GLYATL2: variants seen among roughly 807,000 people sequenced by gnomAD.
GLYATL2 encodes glycine-N-acyltransferase like 2.
In GLYATL2, 25 loss-of-function variants were observed where a neutral mutation model predicts 21.4. The ratio of observed to expected loss-of-function variants is 1.17; its 90% CI spans 0.85 to 1.63. The LOEUF (loss-of-function observed/expected upper bound fraction) is 1.63. Ranked by LOEUF, GLYATL2 falls within the 40% of genes most tolerant of loss-of-function variation. The pLI, the probability that GLYATL2 is intolerant of heterozygous loss-of-function variation, is 0.00. For missense variants in GLYATL2, 361 were observed against 343.3 expected, an observed-to-expected ratio of 1.05 and a Z score of -0.41; for synonymous variants, 114 against 118.2, an observed-to-expected ratio of 0.96 and a Z score of 0.23.
chr11:58,900,271 G>C (rs769601510), intron 1 of GLYATL2, among the ~76,000 whole-genome samples: 3 of 152,196 alleles, frequency 2.0e-5, no homozygotes, highest in Non-Finnish European at 4.4e-5. Context: ...TGCAAAATAA[G>C]AGACCTTAGG....
chr11:58,897,136 T>C (rs1285770080), intron 1 of GLYATL2, among the ~76,000 whole-genome samples: 1 of 152,230 alleles, frequency 6.6e-6, no homozygotes, highest in Non-Finnish European at 1.5e-5. Context: ...CTTGGGAGAA[T>C]GGACAGCACT....
intron 1 of GLYATL2, among the ~76,000 whole-genome samples, chr11:58,874,086 A>G (rs1854178358): frequency 6.6e-6 from 1 of 152,132 alleles, no homozygotes; most frequent in Admixed American, 6.5e-5. Flanking sequence ...AGGTGTTTAT[A>G]GTATTCTTGA....
At chr11:58,886,872 T>G (rs1271644559) in intron 1 of GLYATL2, among the ~76,000 whole-genome samples, 1 of 152,134 alleles carries the variant, frequency 6.6e-6, no homozygotes, top group East Asian at 1.9e-4. Flanking sequence ...AGGATTGGGA[T>G]GCAGAAAGCG....
At chr11:58,852,584 A>G (rs922472347) in intron 1 of GLYATL2, among the ~76,000 whole-genome samples, 9 of 152,200 alleles carry the variant, frequency 5.9e-5, no homozygotes, top group African/African-American at 2.2e-4. Flanking sequence ...GATAGGGTAA[A>G]TAGCTTGCTC....
intron 1 of GLYATL2, chr11:58,884,840 T>G (rs1854407356): frequency 6.1e-6 from 1 of 164,560 alleles, no homozygotes; most frequent in South Asian, 2.1e-4. Flanking sequence ...TGAATGGAGA[T>G]GTATAAAGTG....
intron 1 of GLYATL2, chr11:58,878,357 C>T (rs1854275156): frequency 1.5e-6 from 1 of 662,402 alleles, no homozygotes; most frequent in Non-Finnish European, 2.2e-6. Context: ...GTCCATTGAT[C>T]TCTCAGAGTG....
chr11:58,848,984 A>G (rs1206981242), upstream of GLYATL2, among the ~76,000 whole-genome samples: 1 of 152,222 alleles, frequency 6.6e-6, no homozygotes, highest in East Asian at 1.9e-4. Flanking sequence ...CAATGGAGAT[A>G]CAATACATCT....
At chr11:58,861,737 G>A (rs1309947801) in intron 1 of GLYATL2, among the ~76,000 whole-genome samples, 1 of 151,262 alleles carries the variant, frequency 6.6e-6, no homozygotes, top group Non-Finnish European at 1.5e-5. Flanking sequence ...CATTTTTGCT[G>A]GTCTCAGCAT....
chr11:58,873,220 G>T (rs993913343), intron 1 of GLYATL2, among the ~76,000 whole-genome samples: 106 of 151,554 alleles, frequency 7.0e-4, no homozygotes, highest in Non-Finnish European at 1.5e-4. Context: ...ATACAATCAT[G>T]TAATGTGCAA....
At chr11:58,876,926 G>A (rs562685924) in intron 1 of GLYATL2, among the ~76,000 whole-genome samples, 150 of 152,386 alleles carry the variant, frequency 9.8e-4, no homozygotes, top group African/African-American at 3.3e-3. Flanking sequence ...TTGAGCTGTG[G>A]TGGGCTCCAC....
chr11:58,878,545 A>G (rs945186608), intron 1 of GLYATL2, among the ~76,000 whole-genome samples: 2 of 152,230 alleles, frequency 1.3e-5, no homozygotes, highest in Non-Finnish European at 2.9e-5. Flanking sequence ...CGATCCCCTT[A>G]GAGGCCTCTA....
At position 58,871,613 on chromosome 11, in the gene GLYATL2, T is replaced by G. The variant is rs920913209; in HGVS notation, n.60+32543A>C. 3.9e-5 allele frequency among the ~76,000 whole-genome samples: 6 copies of G among 152,280 alleles called. 1 individual carries two copies. The highest frequency in any genetic ancestry group is 1.4e-4 in the African/African-American group (6 of 41,546). ...CCATGTCCCTAAAAACGACATGAAC[T>G]CATCCTTTTTTATGGCTGCATAGTA... On this transcript the variant is annotated intron_variant and non_coding_transcript_variant, in intron 1 of 4. Transcript: ENST00000533636.
chr11:58,909,421 T>C, the GLYATL2 span, among the ~76,000 whole-genome samples: 1 of 152,188 alleles, frequency 6.6e-6, no homozygotes, highest in African/African-American at 2.4e-5. Context: ...GAGGGCAGAA[T>C]GGATGAGACT....
intron 1 of GLYATL2, among the ~76,000 whole-genome samples, chr11:58,854,601 A>G (rs1412580132): frequency 6.6e-6 from 1 of 152,224 alleles, no homozygotes; most frequent in Non-Finnish European, 1.5e-5. Context: ...CTTCCTGAAG[A>G]TTAAGGTAGC....
At chr11:58,860,159 T>A (rs1318968828) in intron 1 of GLYATL2, among the ~76,000 whole-genome samples, 1 of 152,178 alleles carries the variant, frequency 6.6e-6, no homozygotes, top group East Asian at 1.9e-4. Context: ...AGAATGTCAT[T>A]GGTATTTAGA....
chr11:58,902,402 T>A (rs1490887314), intron 1 of GLYATL2, among the ~76,000 whole-genome samples: 2 of 152,154 alleles, frequency 1.3e-5, no homozygotes, highest in Non-Finnish European at 2.9e-5. Context: ...CTCCTACTCA[T>A]CTCTCATCCA....
At chr11:58,874,147 A>AT (rs943218200) in intron 1 of GLYATL2, among the ~76,000 whole-genome samples, 14 of 150,994 alleles carry the variant, frequency 9.3e-5, no homozygotes, top group South Asian at 2.1e-4. Flanking sequence ...CCCCTTTGTC[A>AT]TTTTTTTATT....
chr11:58,908,583 A>T (rs1590764075), upstream of GLYATL2: 2 of 178,388 alleles, frequency 1.1e-5, no homozygotes, highest in Admixed American at 1.1e-4. Flanking sequence ...CACTGGAGAG[A>T]TAGTCTAACC....
intron 1 of GLYATL2, among the ~76,000 whole-genome samples, chr11:58,843,228 A>G (rs1853584726): frequency 6.6e-6 from 1 of 152,204 alleles, no homozygotes; most frequent in Admixed American, 6.5e-5. Flanking sequence ...GGAAGAGGTA[A>G]AATTTTTTCC....
Sources: gnomAD v4.1 joint callset for allele counts (sites outside exome capture counted in the v4.1 genomes callset) on GRCh38, gnomAD v4.1.1 for gene constraint, MANE v1.5 for transcripts, NCBI Gene and HGNC (gene_info 2026-07-23, HGNC 2026-07-21) for gene names.